IK: variants seen among roughly 807,000 people sequenced by gnomAD.
IK encodes protein Red.
In IK, 47 loss-of-function variants were observed where a neutral mutation model predicts 90.9. The ratio of observed to expected loss-of-function variants is 0.52; its 90% CI spans 0.41 to 0.66. The LOEUF (loss-of-function observed/expected upper bound fraction) is 0.66. IK is among the 30% of genes least tolerant of loss of function. The pLI is 0.00. For missense variants in IK, 385 were observed against 709.3 expected, an observed-to-expected ratio of 0.54 and a Z score of 5.19; for synonymous variants, 201 against 227.5, an observed-to-expected ratio of 0.88 and a Z score of 1.05.
rs1032035606 is a variant in IK, at chr5:140,661,321, T to G, written c.1414-299T>G. On this transcript the variant is annotated intron_variant, in intron 16 of 19. Coordinates refer to ENST00000417647, the MANE Select transcript of IK (RefSeq NM_006083.4). This position sits in a 1 kb window ranked among gnomAD's most constrained non-coding sequence, Gnocchi z 4.2. ...TCCTGCCTCTACTGTTTATTAGTTT[T>G]GTGAACTTGCCAAGTTCTTTCACTG... The G allele has an allele frequency of 2.7e-6, 1 of 366,480 alleles. No homozygotes were observed. Among genetic ancestry groups the G allele is most frequent in the Admixed American group, 4.5e-5 (1 of 22,204 alleles). 22.7% of individuals were successfully genotyped at this position (366,480 alleles called of 1,614,324 possible). A position where few individuals can be genotyped will look rare whatever the true frequency, so the allele number is the denominator to read the frequency against.
Position 140,651,750 on chromosome 5 carries a change from C to T in IK, c.120C>T (p.Leu40=), listed in dbSNP as rs761115630. 1.9e-6 allele frequency: 3 copies of T among 1,612,778 alleles called. No homozygotes were observed. Among genetic ancestry groups the T allele is most frequent in the Non-Finnish European group, 2.5e-6 (3 of 1,178,974 alleles). The change falls in exon 3 of 20, where the codon CTC becomes CTT. Residue 40 remains leucine (L), a synonymous_variant. Transcript: ENST00000417647. ...KLTNEDFRKL[L]MTPRAAPTSA... is the part of the protein sequence containing the mutation. ...CCAATGAAGACTTCAGGAAACTTCT[C>T]ATGACCCCCAGGGCTGCACCTACCT...
At position 140,661,517 on chromosome 5, in the gene IK, T is replaced by G; in HGVS notation, c.1414-103T>G. On this transcript the variant is annotated intron_variant, in intron 16 of 19. Transcript: ENST00000417647. This position sits in a 1 kb window ranked among gnomAD's most constrained non-coding sequence, Gnocchi z 4.2. ...TTATCAGGGTATGATTTATGAATTG[T>G]GGAACCTGGGATTATGGGAGAGTCT... 1 of 711,100 alleles carries G rather than the reference T, an allele frequency of 1.4e-6. No individual in the cohort carries two copies. 44.0% of individuals were successfully genotyped at this position (711,100 alleles called of 1,614,324 possible).
chr5:140,659,891 C>T (rs755781194), intron 14 of IK, 57 bp downstream of exon 14: 5 of 1,209,420 alleles, frequency 4.1e-6, no homozygotes, highest in Non-Finnish European at 4.8e-6. Flanking sequence ...TTTACTCCAA[C>T]CCCCCCTGCC....
intron 16 of IK, 144 bp downstream of exon 16, chr5:140,660,959 G>C (rs1439166476): frequency 3.3e-6 from 2 of 612,598 alleles, no homozygotes; most frequent in Non-Finnish European, 5.9e-6. Context: ...CAGCATTGAG[G>C]GTCATGAGCA....
At chr5:140,652,249 G>A (rs773951992) in intron 4 of IK, 102 bp downstream of exon 4, 2 of 885,814 alleles carry the variant, frequency 2.3e-6, no homozygotes, top group Non-Finnish European at 3.7e-6. Context: ...TTGTCTTGAG[G>A]CTCTCTACTT....
At chr5:140,653,539 T>C (rs1757651087) in intron 5 of IK, among the ~76,000 whole-genome samples, 1 of 151,576 alleles carries the variant, frequency 6.6e-6, no homozygotes, top group Non-Finnish European at 1.5e-5. Flanking sequence ...CGCCTCGGCC[T>C]GCTGAAGTGC....
Position 140,659,044 on chromosome 5 carries a change from A to C in IK, c.1056A>C (p.Arg352Ser). Residue 352 changes from arginine (R) to serine (S), a missense_variant, in exon 12 of 20, where the codon AGA (arginine) becomes AGC (serine). Arg to Ser is a moderately radical substitution (Grantham distance 110). Transcript: ENST00000417647. ...GGGAGCGTGATCGGGAAAGAGACAG[A>C]GACCGTGACCGAGAGCGAGAGCGAG... is the stretch of plus-strand genomic sequence containing the variant. ...RERERDRERD[R>S]DRDRERERER... is the part of the protein sequence containing the mutation. 6.2e-7 allele frequency: 1 copy of C among 1,612,050 alleles called. No homozygotes were observed. The highest frequency in any genetic ancestry group is 8.5e-7 in the Non-Finnish European group (1 of 1,178,102).
chr5:140,653,680 C>T (rs1757656448), intron 5 of IK, among the ~76,000 whole-genome samples: 1 of 143,050 alleles, frequency 7.0e-6, no homozygotes, highest in Non-Finnish European at 1.5e-5. Flanking sequence ...TCTCAGCTCA[C>T]TGCAGCCTCC....
chr5:140,653,286 CTTT>C (rs58111764), intron 5 of IK, 142 bp downstream of exon 5: 3,981 of 366,928 alleles, frequency 0.011, no homozygotes, highest in South Asian at 0.017. Context: ...AAGGGCTGTT[CTTT>C]TTTTTTTTTT....
Position 140,659,768 on chromosome 5 carries a change from C to A in IK, c.1208C>A (p.Thr403Asn), listed in dbSNP as rs747908585. ...TCTTTTCTCCTAGGACCTGGGTCTA[C>A]CAAGGAGTTGATCAAGTCCATCAAT... is the stretch of plus-strand genomic sequence containing the variant. ...PMDVDKGPGS[T>N]KELIKSINEK... Residue 403 changes from threonine to asparagine, a missense_variant, in exon 14 of 20, where the codon ACC (threonine) becomes AAC (asparagine). Around this residue, in one of 8 missense-constraint regions of IK, gnomAD observed 139 missense variants for 172.0 expected, o/e 0.81. Transcript: ENST00000417647. 5 of 1,594,844 alleles carry A rather than the reference C, an allele frequency of 3.1e-6. No individual in the cohort carries two copies. Among genetic ancestry groups the A allele is most frequent in the Non-Finnish European group, 4.3e-6 (5 of 1,169,976 alleles).
chr5:140,651,364 A>G (rs973075680), intron 2 of IK, among the ~76,000 whole-genome samples: 1 of 151,260 alleles, frequency 6.6e-6, no homozygotes, highest in Non-Finnish European at 1.5e-5. Flanking sequence ...ACTTGAACCC[A>G]GGAGGCAGAG....
chr5:140,654,458 G>C, intron 6 of IK, 58 bp from the exon 7 acceptor site: 1 of 1,302,868 alleles, frequency 7.7e-7, no homozygotes, highest in South Asian at 1.3e-5. Context: ...GTGTGGTGTA[G>C]TGGATGTTCA....
chr5:140,652,627 T>C (rs1445103135), intron 4 of IK, among the ~76,000 whole-genome samples: 1 of 152,192 alleles, frequency 6.6e-6, no homozygotes, highest in African/African-American at 2.4e-5. Flanking sequence ...AATACGTTCT[T>C]TTCAGCTGAA....
At chr5:140,648,044 G>GTA (rs1554104176) in intron 1 of IK, 120 bp downstream of exon 1, 2 of 392,434 alleles carry the variant, frequency 5.1e-6, no homozygotes, top group African/African-American at 3.6e-5. Context: ...GTGTGTGTGT[G>GTA]TATGTATGTA....
At position 140,651,251 on chromosome 5, in the gene IK, G is replaced by C. The variant is rs190786858; in HGVS notation, c.84-463G>C. Among the ~76,000 whole-genome samples the C allele has an allele frequency of 2.4e-3, 352 of 149,392 alleles. 1 individual carries two copies. The highest frequency in any genetic ancestry group is 8.1e-3 in the African/African-American group (326 of 40,496). ...CAGATCACCTGAGGTCAGAAGTTTG[G>C]GACCAGCCTGGCCAACACCTCTAAT... On this transcript the variant is annotated intron_variant, in intron 2 of 19. Transcript: ENST00000417647.
At chr5:140,654,447 A>C in intron 6 of IK, 69 bp from the exon 7 acceptor site, 1 of 1,135,276 alleles carries the variant, frequency 8.8e-7, no homozygotes, top group Non-Finnish European at 1.3e-6. Context: ...TTCCTGGTAC[A>C]GTGTGGTGTA....
At position 140,648,456 on chromosome 5, in the gene IK, A is replaced by G. The variant is rs1757536852; in HGVS notation, c.17-15A>G. ...GTAAGAGACTGATTAAATTAACGTC[A>G]ATTTTTTTTGTCAGGTGAGCCGTTC... On this transcript the variant is annotated splice_polypyrimidine_tract_variant and intron_variant, in intron 1 of 19. Coordinates refer to ENST00000417647, the MANE Select transcript of IK (RefSeq NM_006083.4). 17 of 1,613,636 alleles carry G rather than the reference A, an allele frequency of 1.1e-5. No homozygotes were observed. Among genetic ancestry groups the G allele is most frequent in the Non-Finnish European group, 1.4e-5 (17 of 1,179,558 alleles).
Position 140,654,767 on chromosome 5 carries a change from T to A in IK, c.637+40T>A, listed in dbSNP as rs77246600. 1.5e-3 allele frequency: 1,905 copies of A among 1,299,178 alleles called. 19 individuals are homozygous for A. In the African/African-American group the frequency reaches 0.025, roughly 17 times the overall value. 80.5% of individuals were successfully genotyped at this position (1,299,178 alleles called of 1,614,324 possible). The stretch of plus-strand genomic sequence containing the variant: ...TATACTAGTGACTATGCATTCTGGA[T>A]GAATTGTACGGAATTTAATGCTCTG... On this transcript the variant is annotated intron_variant, in intron 8 of 19. Transcript: ENST00000417647.
At chr5:140,660,582 G>C in intron 15 of IK, 176 bp from the exon 16 acceptor site, 2 of 578,890 alleles carry the variant, frequency 3.5e-6, no homozygotes, top group South Asian at 2.4e-5. Context: ...ACAGGAGTGA[G>C]CCACTGCGCC....
Sources: gnomAD v4.1 joint callset for allele counts (sites outside exome capture counted in the v4.1 genomes callset) on GRCh38, gnomAD v4.1.1 for gene constraint, gnomAD v4.1.1 regional missense constraint, Gnocchi (gnomAD v3.1) non-coding constraint, MANE v1.5 for transcripts, NCBI Gene and HGNC (gene_info 2026-07-23, HGNC 2026-07-21) for gene names.